Variants in PDE3B observed in about 807,000 individuals in gnomAD.
PDE3B encodes the protein cGMP-inhibited 3',5'-cyclic phosphodiesterase 3B.
A neutral mutation model predicts 116.8 loss-of-function variants in PDE3B; 66 were observed. The ratio of observed to expected loss-of-function variants is 0.56; its 90% confidence interval spans 0.46 to 0.69. PDE3B has a LOEUF of 0.69. Ranked by LOEUF, PDE3B falls within the 30% of genes least tolerant of loss-of-function variation. PDE3B has a pLI of 0.00. For missense variants in PDE3B, 1,384 were observed against 1,368.1 expected (o/e 1.01, Z -0.18); for synonymous variants, 595 against 533.6 (o/e 1.12, Z -1.59).
In PDE3B at chr11:14,781,474, G is replaced by A. The variant is rs577678231; in HGVS notation, c.1030-4963G>A. The stretch of plus-strand genomic sequence containing the variant: ...AAGCTTATCCACCATGATCAAGTGC[G>A]CTTCATCCCTGGGATGCAAGGCTGG... On this transcript the variant is annotated intron_variant, in intron 2 of 15. Coordinates refer to ENST00000282096, the MANE Select transcript of PDE3B (RefSeq NM_000922.4). Among the ~76,000 whole-genome samples the A allele has an allele frequency of 1.9e-3, 294 of 152,282 alleles. 2 individuals carry two copies. Among genetic ancestry groups the A allele is most frequent in the Admixed American group, 6.4e-3 (98 of 15,292 alleles).
Position 14,643,839 on chromosome 11 carries a change from A to G in PDE3B, c.-237A>G. On this transcript the variant is annotated 5_prime_UTR_variant, in exon 1 of 16. Transcript: ENST00000282096. The stretch of plus-strand genomic sequence containing the variant: ...GGTGCCCGAGGGAAAAGGAGGCGGC[A>G]GCTAAACTGGTCCTGGAGAGAAGCC... 1 of 473,998 alleles carries G rather than the reference A, an allele frequency of 2.1e-6. No individual in the cohort carries two copies. The highest frequency in any genetic ancestry group is 3.5e-6 in the Non-Finnish European group (1 of 282,186). The allele number at this position is 473,998 out of a possible 1,614,324, so 29.4% of individuals were successfully genotyped here.
At chr11:14,789,512 A>G (rs1307301499) in intron 4 of PDE3B, among the ~76,000 whole-genome samples, 1 of 152,046 alleles carries the variant, frequency 6.6e-6, no homozygotes, top group Non-Finnish European at 1.5e-5. Flanking sequence ...GGATCAACTC[A>G]GGACTGGATG....
intron 5 of PDE3B, among the ~76,000 whole-genome samples, chr11:14,812,666 A>T (rs1590166167): frequency 6.6e-6 from 1 of 152,258 alleles, no homozygotes; most frequent in African/African-American, 2.4e-5. Flanking sequence ...TTCTAACGAA[A>T]TTAAACCTGT....
intron 7 of PDE3B, among the ~76,000 whole-genome samples, chr11:14,821,546 A>G (rs571566889): frequency 7.9e-5 from 12 of 152,278 alleles, no homozygotes; most frequent in African/African-American, 2.9e-4. Context: ...CTCAAGTGCA[A>G]ACAACTTTTA....
intron 1 of PDE3B, among the ~76,000 whole-genome samples, chr11:14,661,290 C>G (rs957817926): frequency 1.3e-5 from 2 of 152,170 alleles, no homozygotes; most frequent in African/African-American, 4.8e-5. Flanking sequence ...CAATGATAGA[C>G]TGGATTAAGA....
chr11:14,786,307 G>GA (rs1435632388), intron 2 of PDE3B, 130 bp from the exon 3 acceptor site: 5 of 622,882 alleles, frequency 8.0e-6, no homozygotes, highest in African/African-American at 5.7e-5. Context: ...TAGCGAAAAA[G>GA]AAAAAAATTA....
At chr11:14,863,603 C>T (rs1847989716) in intron 14 of PDE3B, among the ~76,000 whole-genome samples, 1 of 151,608 alleles carries the variant, frequency 6.6e-6, no homozygotes, top group South Asian at 2.1e-4. Context: ...ACCAGTGGAT[C>T]TCTCTGCAGA....
intron 14 of PDE3B, 33 bp downstream of exon 14, chr11:14,861,399 A>C (rs1015042309): frequency 6.3e-7 from 1 of 1,598,544 alleles, no homozygotes; most frequent in South Asian, 1.1e-5. Flanking sequence ...TGGGATTTTT[A>C]AGAGCTGTCA....
chr11:14,848,791 A>G (rs1378230976), intron 12 of PDE3B, among the ~76,000 whole-genome samples: 10 of 152,224 alleles, frequency 6.6e-5, no homozygotes, highest in Non-Finnish European at 1.3e-4. Flanking sequence ...AGGGATGTGA[A>G]GGACCTCTTC....
intron 1 of PDE3B, among the ~76,000 whole-genome samples, chr11:14,759,442 A>G (rs1387283384): frequency 1.3e-5 from 2 of 152,114 alleles, no homozygotes; most frequent in African/African-American, 4.8e-5. Context: ...TTACACTGAC[A>G]TCTGGAACAA....
intron 1 of PDE3B, among the ~76,000 whole-genome samples, chr11:14,710,425 C>A (rs954375402): frequency 6.6e-6 from 1 of 152,154 alleles, no homozygotes; most frequent in African/African-American, 2.4e-5. Flanking sequence ...GAGGTGGGCA[C>A]ATTATTCATC....
intron 1 of PDE3B, among the ~76,000 whole-genome samples, chr11:14,721,869 T>C (rs535956722): frequency 7.3e-6 from 1 of 136,472 alleles, no homozygotes; most frequent in African/African-American, 2.8e-5. Context: ...GGCACATGTA[T>C]ACATATGTAA....
At chr11:14,692,359 G>A (rs1053345868) in intron 1 of PDE3B, among the ~76,000 whole-genome samples, 26 of 152,076 alleles carry the variant, frequency 1.7e-4, no homozygotes, top group Non-Finnish European at 3.4e-4. Context: ...CTGTTTTGGT[G>A]CAGTGCTCTT....
chr11:14,672,764 C>T (rs747356775), intron 1 of PDE3B, among the ~76,000 whole-genome samples: 3 of 151,922 alleles, frequency 2.0e-5, no homozygotes, highest in Non-Finnish European at 4.4e-5. Flanking sequence ...TCCACAGAGT[C>T]CAGATAAATA....
At chr11:14,721,227 C>G (rs544681118) in intron 1 of PDE3B, among the ~76,000 whole-genome samples, 1 of 152,272 alleles carries the variant, frequency 6.6e-6, no homozygotes, top group African/African-American at 2.4e-5. Context: ...CTATGAGATA[C>G]CATCTCACAC....
intron 1 of PDE3B, among the ~76,000 whole-genome samples, chr11:14,684,035 A>G (rs1280183847): frequency 1.3e-5 from 2 of 152,162 alleles, no homozygotes; most frequent in Non-Finnish European, 2.9e-5. Context: ...CATACTTTGT[A>G]TGATTTCAAT....
chr11:14,695,539 T>C (rs1207308379), intron 1 of PDE3B, among the ~76,000 whole-genome samples: 1 of 152,090 alleles, frequency 6.6e-6, no homozygotes, highest in Non-Finnish European at 1.5e-5. Flanking sequence ...TTTTAAGTTC[T>C]GGGGTACATG....
At chr11:14,775,459 C>T (rs1008735333) in intron 2 of PDE3B, 2 of 152,188 alleles carry the variant, frequency 1.3e-5, no homozygotes, top group African/African-American at 4.8e-5. Flanking sequence ...GCTACCCCTT[C>T]CATAAAATTT....
intron 1 of PDE3B, among the ~76,000 whole-genome samples, chr11:14,759,278 C>G (rs1429276866): frequency 6.6e-6 from 1 of 152,128 alleles, no homozygotes; most frequent in African/African-American, 2.4e-5. Flanking sequence ...ATGATGCTGG[C>G]CTCATAAAAT....
Sources: allele counts gnomAD v4.1 joint callset (sites outside exome capture counted in the v4.1 genomes callset), GRCh38; gene constraint gnomAD v4.1.1; transcripts MANE v1.5; gene names NCBI Gene and HGNC (gene_info 2026-07-23, HGNC 2026-07-21).